Variants in QKI observed in about 807,000 individuals in gnomAD.
The protein encoded by QKI is QKI, KH domain containing RNA binding, also known as KH domain-containing RNA-binding protein QKI.
In QKI, 10 loss-of-function variants were observed where a neutral mutation model predicts 39.0. That is an observed-to-expected ratio of 0.26 (90% CI 0.16 to 0.43). The LOEUF (loss-of-function observed/expected upper bound fraction) is 0.43. Among genes scored for constraint, QKI ranks in the 20% least tolerant of loss-of-function variants. The probability of loss-of-function intolerance (pLI) is 1.00; values close to 1 mark genes in which losing one functional copy is unlikely to be tolerated. For synonymous variants in QKI, 204 were observed against 155.4 expected, an observed-to-expected ratio of 1.31 and a Z score of -2.33; for missense variants, 218 against 428.0, an observed-to-expected ratio of 0.51 and a Z score of 4.33.
intron 4 of QKI, among the ~76,000 whole-genome samples, chr6:163,560,910 C>G (rs1456478845): frequency 6.6e-6 from 1 of 152,018 alleles, no homozygotes; most frequent in Non-Finnish European, 1.5e-5. Context: ...GGGACCAATT[C>G]AAGGTAAATG....
At chr6:163,553,046 CTTTTT>C (rs991718758) in intron 4 of QKI, among the ~76,000 whole-genome samples, 1 of 135,066 alleles carries the variant, frequency 7.4e-6, no homozygotes, top group Admixed American at 7.3e-5. Context: ...TTTTCAGGTT[CTTTTT>C]TTTTTTTAAT....
At chr6:163,542,074 CCT>C (rs1215550286) in intron 4 of QKI, among the ~76,000 whole-genome samples, 4 of 151,890 alleles carry the variant, frequency 2.6e-5, no homozygotes, top group Non-Finnish European at 4.4e-5. Context: ...CAAAATGTAC[CCT>C]GTTTGCTAGT....
intron 7 of QKI, chr6:163,567,226 T>C (rs1240220304): frequency 8.1e-6 from 8 of 987,882 alleles, no homozygotes; most frequent in Non-Finnish European, 9.6e-6. Context: ...TGTGTACTTT[T>C]GGAGAAAACT....
At position 163,575,501 on chromosome 6, in the gene QKI, G is replaced by A. The variant is rs1354303651; in HGVS notation, c.*4791G>A. Reference sequence around the variant, plus strand: ...ATTTGACAAAACAGTTGAAAGCTGAGCTTTCAGTCAAGAAGTTGGTGAAAT... The same window carrying A: ...ATTTGACAAAACAGTTGAAAGCTGAACTTTCAGTCAAGAAGTTGGTGAAAT... On this transcript the variant is annotated 3_prime_UTR_variant, in exon 8 of 8. Transcript: ENST00000361752. 1 of 152,302 alleles carries A rather than the reference G, an allele frequency of 6.6e-6. No homozygotes were observed. The highest frequency in any genetic ancestry group is 1.9e-4 in the East Asian group (1 of 5,176). 9.4% of individuals were successfully genotyped at this position (152,302 alleles called of 1,614,324 possible). A position where few individuals can be genotyped will look rare whatever the true frequency, so the allele number is the denominator to read the frequency against.
chr6:163,454,775 G>T (rs575104310), intron 1 of QKI, among the ~76,000 whole-genome samples: 3 of 152,274 alleles, frequency 2.0e-5, no homozygotes, highest in East Asian at 3.9e-4. Flanking sequence ...TGCTGAACTT[G>T]CAGTCTGTTG....
In QKI at chr6:163,578,195, T is replaced by C. The variant is rs955952701; in HGVS notation, c.*7485T>C. The stretch of plus-strand genomic sequence containing the variant: ...TAGTCTGTTTTAAAGTATGCTATAC[T>C]ATGTTCATTGGTTACTTAACTGGAT... On this transcript the variant is annotated 3_prime_UTR_variant, in exon 8 of 8. Transcript: ENST00000361752. 6.6e-6 allele frequency: 1 copy of C among 152,214 alleles called. No individual in the cohort carries two copies. Among genetic ancestry groups the C allele is most frequent in the African/African-American group, 2.4e-5 (1 of 41,446 alleles). The allele number at this position is 152,214 out of a possible 1,614,324, so 9.4% of individuals were successfully genotyped here. A position where few individuals can be genotyped will look rare whatever the true frequency, so the allele number is the denominator to read the frequency against.
intron 6 of QKI, chr6:163,566,230 A>G (rs1783355390): frequency 7.8e-7 from 1 of 1,282,026 alleles, no homozygotes; most frequent in Admixed American, 3.6e-5. Context: ...CTAATCACCT[A>G]ATTCATTGCA....
At chr6:163,496,719 A>C (rs753921082) in intron 3 of QKI, among the ~76,000 whole-genome samples, 1 of 152,062 alleles carries the variant, frequency 6.6e-6, no homozygotes, top group Non-Finnish European at 1.5e-5. Context: ...ACATGCTCTC[A>C]TCATAGGGCT....
Position 163,421,890 on chromosome 6 carries a change from G to A in QKI, c.142+6555G>A, listed in dbSNP as rs1014673752. On this transcript the variant is annotated intron_variant, in intron 1 of 7. Coordinates refer to ENST00000361752, the MANE Select transcript of QKI (RefSeq NM_006775.3). The stretch of plus-strand genomic sequence containing the variant: ...CTCCCGAGTAGCTGGGATTACAGGC[G>A]CCCGCCACCACGCCCGGCTAATTTT... Among the ~76,000 whole-genome samples the A allele has an allele frequency of 6.6e-5, 10 of 151,796 alleles. 1 individual carries two copies. In the South Asian group the frequency reaches 1.7e-3, roughly 25 times the overall value.
intron 1 of QKI, among the ~76,000 whole-genome samples, chr6:163,441,604 T>C (rs1182743757): frequency 2.0e-5 from 3 of 152,044 alleles, no homozygotes; most frequent in Non-Finnish European, 4.4e-5. Flanking sequence ...AGAAATAAAA[T>C]TGAAGGGTAA....
intron 2 of QKI, among the ~76,000 whole-genome samples, chr6:163,468,691 CT>C (rs1221912929): frequency 6.6e-6 from 1 of 152,116 alleles, no homozygotes; most frequent in Non-Finnish European, 1.5e-5. Flanking sequence ...TAATGAATAT[CT>C]TTTTTTCCCC....
intron 2 of QKI, 148 bp from the exon 3 acceptor site, chr6:163,478,632 A>G: frequency 1.7e-6 from 1 of 604,516 alleles, no homozygotes; most frequent in South Asian, 2.3e-5. Context: ...ACTTAGCAAG[A>G]AATTCATAAG....
intron 1 of QKI, among the ~76,000 whole-genome samples, chr6:163,446,201 ATCTTT>A (rs1467173780): frequency 3.3e-5 from 5 of 152,110 alleles, no homozygotes; most frequent in South Asian, 2.1e-4. Flanking sequence ...ATTTATATCA[ATCTTT>A]TCTTATGGGT....
chr6:163,455,433 T>C lies in QKI; in HGVS notation c.285+12T>C. On this transcript the variant is annotated intron_variant, in intron 2 of 7. Coordinates refer to ENST00000361752, the MANE Select transcript of QKI (RefSeq NM_006775.3). ...AAGAATACCCAGATGTAAGTATATT[T>C]TGTTGTTTTATTCAATTTTGTTCTG... 6.2e-7 allele frequency: 1 copy of C among 1,606,486 alleles called. No homozygotes were observed. The highest frequency in any genetic ancestry group is 8.5e-7 in the Non-Finnish European group (1 of 1,174,550).
At chr6:163,467,962 G>T (rs999624867) in intron 2 of QKI, among the ~76,000 whole-genome samples, 1 of 152,250 alleles carries the variant, frequency 6.6e-6, no homozygotes, top group South Asian at 2.1e-4. Flanking sequence ...TAACTCCATT[G>T]TAAGTCAAGG....
intron 1 of QKI, among the ~76,000 whole-genome samples, chr6:163,437,529 T>A (rs1368053328): frequency 6.6e-6 from 1 of 152,194 alleles, no homozygotes; most frequent in African/African-American, 2.4e-5. Context: ...AGTTCAAGAT[T>A]GTTTATGCCA....
chr6:163,555,472 C>G (rs1487597985), intron 4 of QKI, among the ~76,000 whole-genome samples: 2 of 123,526 alleles, frequency 1.6e-5, no homozygotes, highest in African/African-American at 6.3e-5. Context: ...GATCACGCCA[C>G]AGCACTGAAG....
In QKI at chr6:163,574,615, A is replaced by G. The variant is rs1783880290; in HGVS notation, c.*3905A>G. On this transcript the variant is annotated 3_prime_UTR_variant, in exon 8 of 8. Coordinates refer to ENST00000361752, the MANE Select transcript of QKI (RefSeq NM_006775.3). Reference sequence around the variant, plus strand: ...AAGTTGTATGTGATTAATTTCTTGCATGCAAATCAATTTAAGATTTCTTAA... The same window carrying G: ...AAGTTGTATGTGATTAATTTCTTGCGTGCAAATCAATTTAAGATTTCTTAA... 1 of 152,236 alleles carries G rather than the reference A, an allele frequency of 6.6e-6. No individual in the cohort carries two copies. Among genetic ancestry groups the G allele is most frequent in the South Asian group, 2.1e-4 (1 of 4,832 alleles). The allele number at this position is 152,236 out of a possible 1,614,324, so 9.4% of individuals were successfully genotyped here.
Position 163,552,206 on chromosome 6 carries a change from C to CTTTTT in QKI, c.547-9758_547-9754dup, listed in dbSNP as rs35060699. ...TGGATCATCATAAAGTTCGTTCGTT[C>CTTTTT]TTTTTTTTTTTTTTTTTTTTTTGAC... On this transcript the variant is annotated intron_variant, in intron 4 of 7. Coordinates refer to ENST00000361752, the MANE Select transcript of QKI (RefSeq NM_006775.3). Among the ~76,000 whole-genome samples, 502 of 101,558 alleles carry CTTTTT rather than the reference C, an allele frequency of 4.9e-3. 15 individuals are homozygous for CTTTTT. The highest frequency in any genetic ancestry group is 9.0e-3 in the African/African-American group (237 of 26,270). The allele number at this position is 101,558 out of a possible 152,430, so 66.6% of individuals were successfully genotyped here.
Sources: gnomAD v4.1 joint callset for allele counts (sites outside exome capture counted in the v4.1 genomes callset) on GRCh38, gnomAD v4.1.1 for gene constraint, MANE v1.5 for transcripts, NCBI Gene and HGNC (gene_info 2026-07-23, HGNC 2026-07-21) for gene names.